Variants in TRRAP observed in about 807,000 individuals in gnomAD.
TRRAP encodes transformation/transcription domain associated protein, also known as transformation/transcription domain-associated protein.
Under a neutral mutation model 438.8 loss-of-function variants are expected in TRRAP, and 41 were observed. The ratio of observed to expected loss-of-function variants is 0.09; its 90% CI spans 0.07 to 0.12. The LOEUF is 0.12. Ranked by LOEUF, TRRAP falls within the 10% of genes least tolerant of loss-of-function variation. The pLI is 1.00. For missense variants in TRRAP, 3,122 were observed against 5,055.1 expected, an observed-to-expected ratio of 0.62 and a Z score of 11.60; for synonymous variants, 1,994 against 1,962.9, an observed-to-expected ratio of 1.02 and a Z score of -0.42.
At chr7:99,010,711 T>C (rs1794390153) in intron 70 of TRRAP, among the ~76,000 whole-genome samples, 1 of 152,210 alleles carries the variant, frequency 6.6e-6, no homozygotes, top group Non-Finnish European at 1.5e-5. Context: ...AGCTGTTGTG[T>C]TCTGTTAATT....
intron 62 of TRRAP, among the ~76,000 whole-genome samples, chr7:98,987,630 A>G (rs180734546): frequency 9.2e-5 from 14 of 152,330 alleles, no homozygotes; most frequent in African/African-American, 3.1e-4. Context: ...AACTGCAGGT[A>G]GAGATGGACT....
At chr7:98,950,479 A>G (rs782293161) in intron 38 of TRRAP, among the ~76,000 whole-genome samples, 4 of 152,188 alleles carry the variant, frequency 2.6e-5, no homozygotes, top group African/African-American at 7.2e-5. Context: ...CTATAATCAC[A>G]CCACTGCATC....
chr7:98,947,611 A>G (rs1378717393), intron 33 of TRRAP, among the ~76,000 whole-genome samples: 5 of 151,980 alleles, frequency 3.3e-5, no homozygotes, highest in African/African-American at 9.7e-5. Context: ...GCCCGCCACC[A>G]CGCTCGGCTA....
intron 40 of TRRAP, among the ~76,000 whole-genome samples, chr7:98,953,849 C>T (rs1181842824): frequency 2.0e-5 from 3 of 152,090 alleles, no homozygotes; most frequent in Non-Finnish European, 2.9e-5. Context: ...GGGAAAACAC[C>T]CCACACTGTG....
intron 70 of TRRAP, among the ~76,000 whole-genome samples, chr7:99,009,455 G>A (rs867624146): frequency 6.6e-6 from 1 of 152,196 alleles, no homozygotes; most frequent in Non-Finnish European, 1.5e-5. Flanking sequence ...CCAGGCTGCA[G>A]CATCAGGTGC....
At chr7:98,893,649 G>A (rs1796072314) in intron 5 of TRRAP, 149 bp from the exon 6 acceptor site, 1 of 718,756 alleles carries the variant, frequency 1.4e-6, no homozygotes, top group Admixed American at 2.8e-5. Context: ...GAAGCTTTCT[G>A]TCTGGGACAA....
Position 98,900,781 on chromosome 7 carries a change from C to G in TRRAP, c.897+61C>G. On this transcript the variant is annotated intron_variant, in intron 11 of 72. Coordinates refer to ENST00000456197, the MANE Select transcript of TRRAP (RefSeq NM_001375524.1). Reference sequence around the variant, plus strand: ...ATAGTTTACATACAATAAAATTCACCTTTTGTGGGTGTACAGTTCTAGGAA... The same window carrying G: ...ATAGTTTACATACAATAAAATTCACGTTTTGTGGGTGTACAGTTCTAGGAA... 2.8e-6 allele frequency: 4 copies of G among 1,413,702 alleles called. 1 individual carries two copies. In the South Asian group the frequency reaches 5.0e-5, roughly 18 times the overall value. 87.6% of individuals were successfully genotyped at this position (1,413,702 alleles called of 1,614,324 possible).
chr7:98,989,354 G>A (rs1056893375), intron 63 of TRRAP, among the ~76,000 whole-genome samples: 3 of 152,246 alleles, frequency 2.0e-5, no homozygotes, highest in African/African-American at 7.2e-5. Flanking sequence ...GCGTGCTGGG[G>A]TGGTTGTGGG....
At chr7:98,965,628 G>C in intron 48 of TRRAP, 68 bp from the exon 49 acceptor site, 1 of 1,603,058 alleles carries the variant, frequency 6.2e-7, no homozygotes, top group Non-Finnish European at 8.5e-7. Context: ...GCCAGGCAAG[G>C]CTTAGTGGCT....
chr7:98,968,125 T>C (rs1190824771), intron 51 of TRRAP, among the ~76,000 whole-genome samples: 1 of 152,042 alleles, frequency 6.6e-6, no homozygotes, highest in Non-Finnish European at 1.5e-5. Context: ...TTTAAGCAAT[T>C]GTTGTGCCCC....
intron 62 of TRRAP, among the ~76,000 whole-genome samples, chr7:98,987,378 T>C (rs968051256): frequency 2.6e-5 from 4 of 152,244 alleles, no homozygotes; most frequent in African/African-American, 9.6e-5. Context: ...AGTTTAGGTC[T>C]TCTTTAGTTT....
At chr7:98,953,798 C>G (rs2116628521) in intron 40 of TRRAP, among the ~76,000 whole-genome samples, 1 of 152,298 alleles carries the variant, frequency 6.6e-6, no homozygotes, top group Non-Finnish European at 1.5e-5. Flanking sequence ...ATGGTACATT[C>G]TGTGTTATGT....
At chr7:98,943,462 G>A (rs1471875270) in intron 31 of TRRAP, among the ~76,000 whole-genome samples, 4 of 152,156 alleles carry the variant, frequency 2.6e-5, no homozygotes, top group African/African-American at 7.2e-5. Context: ...ACTGGTTTTT[G>A]GGACTGAAAG....
intron 60 of TRRAP, 92 bp downstream of exon 60, chr7:98,983,551 T>C: frequency 6.9e-7 from 1 of 1,451,216 alleles, no homozygotes; most frequent in South Asian, 1.3e-5. Context: ...TTTGGTTTGG[T>C]TTGGTTTTTT....
Position 98,881,862 on chromosome 7 carries a change from G to A in TRRAP, c.101-113G>A, listed in dbSNP as rs1584260408. 3 of 1,208,628 alleles carry A rather than the reference G, an allele frequency of 2.5e-6. No individual in the cohort carries two copies. In the East Asian group the frequency reaches 7.3e-5, roughly 29 times the overall value. The allele number at this position is 1,208,628 out of a possible 1,614,324, so 74.9% of individuals were successfully genotyped here. The stretch of plus-strand genomic sequence containing the variant: ...ATGTGCCTTCTATTAGGCCATGACA[G>A]TCAAACTGATAAGATCTGATTGCTT... On this transcript the variant is annotated intron_variant, in intron 2 of 72. Coordinates refer to ENST00000456197, the MANE Select transcript of TRRAP (RefSeq NM_001375524.1).
intron 3 of TRRAP, among the ~76,000 whole-genome samples, chr7:98,883,355 A>T (rs921113772): frequency 2.6e-5 from 4 of 152,038 alleles, no homozygotes; most frequent in African/African-American, 9.7e-5. Context: ...TTATCTGCAG[A>T]TTCCCCATCT....
At chr7:98,969,499 ATC>A (rs1792310630) in intron 51 of TRRAP, among the ~76,000 whole-genome samples, 1 of 152,190 alleles carries the variant, frequency 6.6e-6, no homozygotes, top group Non-Finnish European at 1.5e-5. Context: ...AGGGGACACT[ATC>A]TCTGTGCAGT....
chr7:98,906,402 TTTTATTTATTTATTTA>T lies in TRRAP; in HGVS notation c.1115+179_1115+194del, dbSNP rs3066870. 6.0e-3 allele frequency: 1,146 copies of T among 192,280 alleles called. 4 individuals carry two copies. The highest frequency in any genetic ancestry group is 0.011 in the Middle Eastern group (7 of 610). The allele number at this position is 192,280 out of a possible 1,614,324, so 11.9% of individuals were successfully genotyped here. On this transcript the variant is annotated intron_variant, in intron 13 of 72. Transcript: ENST00000456197. The stretch of plus-strand genomic sequence containing the variant: ...AGCAAGTGCAGGATTTTTGTTTTTG[TTTTATTTATTTATTTA>T]TTTATTTATTTATTTATTTATTTAT...
Position 99,005,257 on chromosome 7 carries a change from G to A in TRRAP, c.10662G>A (p.Arg3554=), listed in dbSNP as rs781038304. 2 of 1,614,180 alleles carry A rather than the reference G, an allele frequency of 1.2e-6. No individual in the cohort carries two copies. Among genetic ancestry groups the A allele is most frequent in the South Asian group, 2.2e-5 (2 of 91,086 alleles). ...VMNDACLTES[R]REERVLQLLR... is the part of the protein sequence containing the mutation. ...ACGACGCCTGCCTCACAGAGTCACG[G>A]CGAGAGGAGCGTGTGTTGCAGCTGC... The change falls in exon 69 of 73, where the codon CGG becomes CGA. Residue 3554 remains arginine (R), a synonymous_variant. Transcript: ENST00000456197. This position sits in a 1 kb window ranked among gnomAD's most constrained non-coding sequence, Gnocchi z 5.1.
Sources: allele counts gnomAD v4.1 joint callset (sites outside exome capture counted in the v4.1 genomes callset), GRCh38; gene constraint gnomAD v4.1.1; non-coding constraint Gnocchi (gnomAD v3.1); transcripts MANE v1.5; gene names NCBI Gene and HGNC (gene_info 2026-07-23, HGNC 2026-07-21).